Variants in SLC4A7 observed in about 807,000 individuals in gnomAD.
The protein encoded by SLC4A7 is sodium bicarbonate cotransporter 3.
SLC4A7 carries 51 observed loss-of-function variants against 137.6 expected under a neutral mutation model. The observed-to-expected ratio is 0.37, with a 90% confidence interval of 0.30 to 0.47. The LOEUF is 0.47. Among genes scored for constraint, SLC4A7 ranks in the 20% least tolerant of loss-of-function variants. SLC4A7 has a pLI of 1.00. For synonymous variants in SLC4A7, 542 were observed against 518.6 expected, an observed-to-expected ratio of 1.05 and a Z score of -0.61; for missense variants, 1,247 against 1,525.4, an observed-to-expected ratio of 0.82 and a Z score of 3.04.
At chr3:27,415,907 G>A (rs556800945) in intron 11 of SLC4A7, among the ~76,000 whole-genome samples, 3 of 152,278 alleles carry the variant, frequency 2.0e-5, no homozygotes, top group South Asian at 4.1e-4. Context: ...ACGACTTTAC[G>A]TTTCCTTTTC....
At chr3:27,444,735 C>T (rs1576503216) in intron 3 of SLC4A7, among the ~76,000 whole-genome samples, 1 of 152,044 alleles carries the variant, frequency 6.6e-6, no homozygotes, top group Non-Finnish European at 1.5e-5. Context: ...ATGCTAGTTG[C>T]TTTAACATTC....
chr3:27,385,454 TTATTAAAACGC>T (rs1263341678), intron 23 of SLC4A7, among the ~76,000 whole-genome samples: 1 of 152,178 alleles, frequency 6.6e-6, no homozygotes, highest in Non-Finnish European at 1.5e-5. Flanking sequence ...TGTATGCCAA[TTATTAAAACGC>T]TATTAAAATT....
At chr3:27,421,865 GACT>G (rs2055013741) in intron 8 of SLC4A7, 86 bp from the exon 9 acceptor site, 4 of 945,146 alleles carry the variant, frequency 4.2e-6, no homozygotes, top group Non-Finnish European at 4.7e-6. Context: ...TGCTTTATAA[GACT>G]ACTATTTGCT....
At chr3:27,480,470 T>C (rs574126532) in intron 1 of SLC4A7, among the ~76,000 whole-genome samples, 7 of 152,098 alleles carry the variant, frequency 4.6e-5, no homozygotes, top group Admixed American at 1.3e-4. Context: ...GCTCAAGTGA[T>C]CCTCCCACTT....
chr3:27,478,511 CA>C (rs34313327), intron 1 of SLC4A7, among the ~76,000 whole-genome samples: 4,795 of 86,098 alleles, frequency 0.056, 207 homozygotes, highest in African/African-American at 0.17. Context: ...GAGACTGCCT[CA>C]AAAAAAAAAA....
chr3:27,409,595 A>C, intron 12 of SLC4A7, 65 bp from the exon 13 acceptor site: 1 of 1,286,734 alleles, frequency 7.8e-7, no homozygotes, highest in Non-Finnish European at 1.1e-6. Flanking sequence ...TCAAACTAAA[A>C]CTATGGGCTA....
At chr3:27,445,950 AAAAAAAAAAAAAAATAT>A (rs1333381158) in intron 3 of SLC4A7, among the ~76,000 whole-genome samples, 30 of 30,688 alleles carry the variant, frequency 9.8e-4, no homozygotes, top group South Asian at 2.4e-3. Context: ...AAAAAAAAAA[AAAAAAAAAAAAAAATAT>A]ATATATATAT....
At chr3:27,438,612 AAAT>A (rs1157735868) in intron 3 of SLC4A7, among the ~76,000 whole-genome samples, 3 of 149,792 alleles carry the variant, frequency 2.0e-5, no homozygotes, top group Admixed American at 6.6e-5. Context: ...ACATAAAATA[AAAT>A]AACAAAATAA....
chr3:27,444,789 T>G lies in SLC4A7; in HGVS notation c.289+3862A>C, dbSNP rs140981133. 1.9e-3 allele frequency among the ~76,000 whole-genome samples: 294 copies of G among 152,326 alleles called. 6 individuals carry two copies. The highest frequency in any genetic ancestry group is 0.014 in the Admixed American group (215 of 15,296). Reference sequence around the variant, plus strand: ...AACTCTGCCATTTCTGGATCTGTCTTATTATTTTTCTCCTGATTTTGGCTC... The same window carrying G: ...AACTCTGCCATTTCTGGATCTGTCTGATTATTTTTCTCCTGATTTTGGCTC... On this transcript the variant is annotated intron_variant, in intron 3 of 25. Transcript: ENST00000454389.
At chr3:27,378,054 T>C (rs1188519021) in intron 25 of SLC4A7, among the ~76,000 whole-genome samples, 1 of 152,122 alleles carries the variant, frequency 6.6e-6, no homozygotes, top group Non-Finnish European at 1.5e-5. Context: ...CAATTACTAA[T>C]AGTAAAAAGA....
At chr3:27,423,243 A>G (rs894220436) in intron 8 of SLC4A7, among the ~76,000 whole-genome samples, 14 of 152,226 alleles carry the variant, frequency 9.2e-5, no homozygotes, top group Non-Finnish European at 2.1e-4. Context: ...TTAAGAAATG[A>G]AATCAGCTTG....
chr3:27,439,129 G>T (rs1217295881), intron 3 of SLC4A7, among the ~76,000 whole-genome samples: 2 of 152,162 alleles, frequency 1.3e-5, no homozygotes, highest in Non-Finnish European at 2.9e-5. Flanking sequence ...AGTACTTGTG[G>T]ATGCAACAAG....
chr3:27,416,236 T>C (rs2150255674), intron 11 of SLC4A7, among the ~76,000 whole-genome samples: 1 of 152,352 alleles, frequency 6.6e-6, no homozygotes, highest in East Asian at 1.9e-4. Flanking sequence ...ATTTTACGCA[T>C]GTTAACTTGC....
At chr3:27,424,258 T>A (rs779552453) in intron 7 of SLC4A7, 106 bp from the exon 8 acceptor site, 2 of 565,544 alleles carry the variant, frequency 3.5e-6, no homozygotes, top group Non-Finnish European at 6.2e-6. Context: ...TAAAAGCAAA[T>A]GTGCAAGGTT....
chr3:27,483,101 G>A (rs2059783338), intron 1 of SLC4A7, among the ~76,000 whole-genome samples: 1 of 152,238 alleles, frequency 6.6e-6, no homozygotes, highest in Non-Finnish European at 1.5e-5. Context: ...TTTGCTGGTT[G>A]CATAGTAAAA....
chr3:27,390,251 C>A, intron 21 of SLC4A7, 147 bp from the exon 22 acceptor site: 1 of 204,798 alleles, frequency 4.9e-6, no homozygotes, highest in Non-Finnish European at 1.0e-5. Flanking sequence ...TTACAGCAAG[C>A]ATTCTCTGGA....
intron 10 of SLC4A7, among the ~76,000 whole-genome samples, chr3:27,419,812 T>G (rs1576343079): frequency 6.6e-6 from 1 of 151,972 alleles, no homozygotes; most frequent in South Asian, 2.1e-4. Context: ...GAAATGGCAG[T>G]AGAGATGGAA....
At chr3:27,406,213 AGCTTT>A (rs2053337557) in intron 13 of SLC4A7, among the ~76,000 whole-genome samples, 1 of 152,214 alleles carries the variant, frequency 6.6e-6, no homozygotes, top group South Asian at 2.1e-4. Flanking sequence ...TCTAAGCCTA[AGCTTT>A]CTCACTTTGA....
At chr3:27,408,377 T>C (rs2053585178) in intron 13 of SLC4A7, among the ~76,000 whole-genome samples, 1 of 152,194 alleles carries the variant, frequency 6.6e-6, no homozygotes, top group Non-Finnish European at 1.5e-5. Flanking sequence ...TGACAGCACA[T>C]AAAGCAACTT....
Sources: gnomAD v4.1 joint callset for allele counts (sites outside exome capture counted in the v4.1 genomes callset) on GRCh38, gnomAD v4.1.1 for gene constraint, MANE v1.5 for transcripts, NCBI Gene and HGNC (gene_info 2026-07-23, HGNC 2026-07-21) for gene names.